The following CPN1 variants were observed in gnomAD, a reference collection of about 807,000 sequenced individuals.
CPN1 encodes carboxypeptidase N subunit 1, also known as carboxypeptidase N catalytic chain.
In CPN1, 37 loss-of-function variants were observed where a neutral mutation model predicts 46.4. The observed-to-expected ratio is 0.80, with a 90% CI of 0.61 to 1.05. The LOEUF is 1.05. CPN1 is among the 50% of genes least tolerant of loss of function. CPN1 has a pLI of 0.00. For synonymous variants in CPN1, 224 were observed against 235.4 expected, an observed-to-expected ratio of 0.95 and a Z score of 0.44; for missense variants, 563 against 602.6, an observed-to-expected ratio of 0.93 and a Z score of 0.69.
At chr10:100,069,441 A>G (rs757460763) in intron 3 of CPN1, among the ~76,000 whole-genome samples, 5 of 151,634 alleles carry the variant, frequency 3.3e-5, no homozygotes, top group Non-Finnish European at 5.9e-5. Flanking sequence ...AGATCGCACC[A>G]TTACACTCCA....
intron 3 of CPN1, among the ~76,000 whole-genome samples, chr10:100,065,753 G>A (rs950311282): frequency 5.3e-5 from 8 of 151,558 alleles, no homozygotes; most frequent in Non-Finnish European, 8.8e-5. Flanking sequence ...GACTGGGAGC[G>A]CTCATGGTGA....
At chr10:100,062,655 C>G (rs551169363) in intron 5 of CPN1, among the ~76,000 whole-genome samples, 10 of 148,386 alleles carry the variant, frequency 6.7e-5, no homozygotes, top group African/African-American at 2.5e-4. Context: ...GTGGTGCAAT[C>G]TTGGCTCACT....
chr10:100,052,414 A>G (rs1033867053), intron 7 of CPN1, among the ~76,000 whole-genome samples: 33 of 152,036 alleles, frequency 2.2e-4, no homozygotes, highest in African/African-American at 8.0e-4. Context: ...CAGGGGTTTC[A>G]CCATGTTGGC....
chr10:100,057,213 C>A, intron 5 of CPN1, 61 bp from the exon 6 acceptor site: 1 of 1,566,504 alleles, frequency 6.4e-7, no homozygotes, highest in Non-Finnish European at 8.7e-7. Context: ...TGCCCCATCT[C>A]ATCTCTCTCT....
intron 5 of CPN1, among the ~76,000 whole-genome samples, chr10:100,063,211 C>G (rs1346878905): frequency 1.3e-5 from 2 of 152,160 alleles, no homozygotes; most frequent in Non-Finnish European, 2.9e-5. Context: ...AACTCTGCCT[C>G]CCGGGTTCAT....
chr10:100,042,535 G>C lies in CPN1; in HGVS notation c.1269C>G (p.Ser423Arg). 6 of 1,613,928 alleles carry C rather than the reference G, an allele frequency of 3.7e-6. No homozygotes were observed. The highest frequency in any genetic ancestry group is 5.1e-6 in the Non-Finnish European group (6 of 1,179,998). ...TTCTGCTGGGAGCTCTCCTCACAGG[G>C]CTTACTTGAGGGATGCTTCTTTTGA... is the stretch of plus-strand genomic sequence containing the variant. ...FHLKRSIPQV[S>R]PVRRAPSRRH... Residue 423 changes from serine to arginine, a missense_variant, in exon 9 of 9, where the codon AGC becomes AGG. Ser to Arg is a moderately radical substitution (Grantham distance 110). Coordinates refer to ENST00000370418, the MANE Select transcript of CPN1 (RefSeq NM_001308.3).
Position 100,057,042 on chromosome 10 carries a change from G to C in CPN1, c.982C>G (p.Arg328Gly). 6.2e-7 allele frequency: 1 copy of C among 1,614,126 alleles called. No homozygotes were observed. Among genetic ancestry groups the C allele is most frequent in the Non-Finnish European group, 8.5e-7 (1 of 1,180,014 alleles). ...EELQREWLGN[R>G]EALIQFLEQV... ...TCCAGGAACTGGATTAGGGCTTCCC[G>C]ATTACCCAGCCACTCCCGCTGTAAC... Residue 328 changes from arginine to glycine, a missense_variant, in exon 6 of 9, where the codon CGG becomes GGG. By Grantham distance (125) the Arg-to-Gly change is moderately radical (BLOSUM62 -2). Coordinates refer to ENST00000370418, the MANE Select transcript of CPN1 (RefSeq NM_001308.3).
rs1348382493 is a variant in CPN1 at position 100,075,904 on chromosome 10, C to G, written c.420+7G>C. On this transcript the variant is annotated splice_region_variant and intron_variant, in intron 2 of 8. Transcript: ENST00000370418. ...TCTCTCCCCGGCATCTCCCTTGGAC[C>G]TCGTACCTGGGCAGCAGCCACCTCG... 6.2e-7 allele frequency: 1 copy of G among 1,613,816 alleles called. No homozygotes were observed. The highest frequency in any genetic ancestry group is 2.2e-5 in the East Asian group (1 of 44,884).
At position 100,065,365 on chromosome 10, in the gene CPN1, T is replaced by C. The variant is rs190183597; in HGVS notation, c.582A>G (p.Glu194=). The change falls in exon 4 of 9, where the codon GAA becomes GAG. Residue 194 remains glutamate (E), a synonymous_variant. Transcript: ENST00000370418. ...ACCGGATCACCGCCCGGGTCTCGGG[T>C]TCCACCTGGGAGGAGGCGAGAGGTT... The part of the protein sequence containing the change: ...PLPDNWKSQV[E]PETRAVIRWM... 67 of 1,614,116 alleles carry C rather than the reference T, an allele frequency of 4.2e-5. 1 individual carries two copies. In the Middle Eastern group the frequency reaches 4.9e-4, roughly 12 times the overall value.
chr10:100,062,394 G>C (rs1356802532), intron 5 of CPN1, among the ~76,000 whole-genome samples: 2 of 152,116 alleles, frequency 1.3e-5, no homozygotes, highest in Non-Finnish European at 2.9e-5. Flanking sequence ...TGGGGGCCTG[G>C]CAGTTAGGGT....
rs1323780475 is a variant in CPN1 at position 100,076,096 on chromosome 10, C to T, written c.235G>A (p.Val79Ile). The change falls in exon 2 of 9, where the codon GTC (valine) becomes ATC (isoleucine). Residue 79 changes from valine to isoleucine, a missense_variant. Coordinates refer to ENST00000370418, the MANE Select transcript of CPN1 (RefSeq NM_001308.3). ...PGIHEPLEPE[V>I]KYVGNMHGNE... is the part of the protein sequence containing the mutation. ...CCGTGCATGTTCCCCACATACTTGA[C>T]CTCTGGTTCCACTGCAAGGAAGAGA... 6.2e-7 allele frequency: 1 copy of T among 1,614,192 alleles called. No individual in the cohort carries two copies. The highest frequency in any genetic ancestry group is 1.7e-5 in the Admixed American group (1 of 60,016).
Position 100,060,272 on chromosome 10 carries a change from A to G in CPN1, c.872-3120T>C, listed in dbSNP as rs190077395. Among the ~76,000 whole-genome samples the G allele has an allele frequency of 1.1e-3, 170 of 152,316 alleles. 1 individual carries two copies. The highest frequency in any genetic ancestry group is 1.9e-3 in the Non-Finnish European group (127 of 68,018). On this transcript the variant is annotated intron_variant, in intron 5 of 8. Transcript: ENST00000370418. ...TATGTTATGTATATTTTACCACAAT[A>G]AAAATGAAGCTGGGCATGGTGGCTC...
intron 4 of CPN1, among the ~76,000 whole-genome samples, chr10:100,063,981 A>G (rs989754076): frequency 6.6e-6 from 1 of 152,146 alleles, no homozygotes; most frequent in Non-Finnish European, 1.5e-5. Flanking sequence ...TATGTGTGGT[A>G]GACTAGAGTT....
intron 3 of CPN1, among the ~76,000 whole-genome samples, chr10:100,068,448 C>T (rs1453774454): frequency 6.6e-6 from 1 of 151,932 alleles, no homozygotes; most frequent in Non-Finnish European, 1.5e-5. Context: ...CTCCTGACCT[C>T]GTGATCCGCC....
chr10:100,046,795 C>T (rs796786274), intron 8 of CPN1, among the ~76,000 whole-genome samples: 2 of 150,866 alleles, frequency 1.3e-5, no homozygotes, highest in African/African-American at 4.9e-5. Flanking sequence ...TAAAAATGGC[C>T]GGGTGCGGTG....
At chr10:100,072,702 C>T (rs1273770382) in intron 2 of CPN1, among the ~76,000 whole-genome samples, 1 of 152,148 alleles carries the variant, frequency 6.6e-6, no homozygotes, top group Non-Finnish European at 1.5e-5. Context: ...TACTTAAGTC[C>T]TTCTCTATTC....
Position 100,069,674 on chromosome 10 carries a change from T to G in CPN1, c.576+40A>C, listed in dbSNP as rs78496874. 11,218 of 1,613,372 alleles carry G rather than the reference T, an allele frequency of 7.0e-3. 640 individuals carry two copies. The African/African-American group carries it at 0.13, about 18-fold the overall frequency. The stretch of plus-strand genomic sequence containing the variant: ...CAGTCTTTCTGCAAGAAATTCCAGA[T>G]GCTGATTTACCTGCTTTGTTTGCAA... On this transcript the variant is annotated intron_variant, in intron 3 of 8. Coordinates refer to ENST00000370418, the MANE Select transcript of CPN1 (RefSeq NM_001308.3).
intron 5 of CPN1, among the ~76,000 whole-genome samples, chr10:100,059,806 A>G (rs1470727770): frequency 3.3e-5 from 5 of 152,204 alleles, no homozygotes; most frequent in African/African-American, 1.2e-4. Flanking sequence ...TTGTAGCACC[A>G]TTATTCACAA....
Position 100,058,773 on chromosome 10 carries a change from C to T in CPN1, c.872-1621G>A, listed in dbSNP as rs1007814970. ...CTAGAAAAACAAAGCTAGAGACTCA[C>T]AATTTCTGATTTTGAAGCTTACTAC... On this transcript the variant is annotated intron_variant, in intron 5 of 8. Coordinates refer to ENST00000370418, the MANE Select transcript of CPN1 (RefSeq NM_001308.3). Among the ~76,000 whole-genome samples, 4 of 152,120 alleles carry T rather than the reference C, an allele frequency of 2.6e-5. No individual in the cohort carries two copies. The East Asian group carries it at 7.7e-4, about 29-fold the overall frequency.
Sources: allele counts gnomAD v4.1 joint callset (sites outside exome capture counted in the v4.1 genomes callset), GRCh38; gene constraint gnomAD v4.1.1; transcripts MANE v1.5; gene names NCBI Gene and HGNC (gene_info 2026-07-23, HGNC 2026-07-21).